The following HEBP1 variants were observed in gnomAD, a reference collection of about 807,000 sequenced individuals.
HEBP1 encodes heme-binding protein 1.
HEBP1 carries 13 observed loss-of-function variants against 20.4 expected under a neutral mutation model. The ratio of observed to expected loss-of-function variants is 0.64; its 90% confidence interval spans 0.42 to 1.01. The LOEUF is 1.01. HEBP1 is among the 50% of genes least tolerant of loss of function. HEBP1 has a pLI of 0.00. For missense variants in HEBP1, 241 were observed against 247.3 expected (o/e 0.97, Z 0.17); for synonymous variants, 92 against 90.7 (o/e 1.01, Z -0.08).
chr12:12,991,353 T>C (rs1864223476), intron 1 of HEBP1, among the ~76,000 whole-genome samples: 1 of 152,222 alleles, frequency 6.6e-6, no homozygotes, highest in South Asian at 2.1e-4. Context: ...CACACCGTGC[T>C]CCCAGACACA....
chr12:12,981,213 C>A (rs1864077741), intron 3 of HEBP1, among the ~76,000 whole-genome samples: 1 of 152,094 alleles, frequency 6.6e-6, no homozygotes, highest in Non-Finnish European at 1.5e-5. Context: ...GGGAGGGGAC[C>A]ATCACTAAGA....
chr12:12,987,438 G>T (rs1864166228), intron 2 of HEBP1, 106 bp from the exon 3 acceptor site: 3 of 842,916 alleles, frequency 3.6e-6, no homozygotes, highest in Non-Finnish European at 5.5e-6. Context: ...GTATGTTTTT[G>T]TTCTTGAAAT....
At chr12:12,997,912 TGG>T (rs1864311474) in intron 1 of HEBP1, among the ~76,000 whole-genome samples, 1 of 152,222 alleles carries the variant, frequency 6.6e-6, no homozygotes, top group African/African-American at 2.4e-5. Flanking sequence ...AACTACTTGA[TGG>T]GGAGGCCAGT....
chr12:12,975,520 A>G, intron 3 of HEBP1, 41 bp from the exon 4 acceptor site: 4 of 1,551,742 alleles, frequency 2.6e-6, no homozygotes, highest in Non-Finnish European at 3.5e-6. Flanking sequence ...AAAGGACATG[A>G]CCTCTGAGAG....
chr12:12,993,108 T>C (rs2136549650), intron 1 of HEBP1, among the ~76,000 whole-genome samples: 1 of 151,922 alleles, frequency 6.6e-6, no homozygotes, highest in South Asian at 2.1e-4. Flanking sequence ...CTGTCTTTCT[T>C]TTTTTCTTTC....
intron 3 of HEBP1, chr12:12,984,173 T>C (rs563377609): frequency 6.4e-6 from 1 of 155,632 alleles, no homozygotes; most frequent in East Asian, 1.9e-4. Flanking sequence ...CAAGTAAGCA[T>C]GTATCTGGCT....
intron 3 of HEBP1, among the ~76,000 whole-genome samples, chr12:12,976,832 T>C (rs759251274): frequency 6.6e-6 from 1 of 152,198 alleles, no homozygotes; most frequent in Non-Finnish European, 1.5e-5. Flanking sequence ...GAGAGGAAAC[T>C]GGGTTAGTAG....
intron 3 of HEBP1, among the ~76,000 whole-genome samples, chr12:12,978,199 G>GCTTTTTTTTTTTTTTTTTTT (rs1864021602): frequency 1.3e-5 from 1 of 75,056 alleles, no homozygotes; most frequent in African/African-American, 5.5e-5. Flanking sequence ...CTACGAAAGG[G>GCTTTTTTTTTTTTTTTTTTT]TTTTTTTTTT....
In HEBP1 at chr12:12,975,469, C is replaced by T. The variant is rs930521550; in HGVS notation, c.409G>A (p.Gly137Ser). ...ACGTAGTCTGCTTCCTTGGCATAACCACCAAACTGCCTGGGGGTTCAAGAG... is the reference window on the plus strand; with the variant it reads ...ACGTAGTCTGCTTCCTTGGCATAACTACCAAACTGCCTGGGGGTTCAAGAG... ...GITVYSMQFGGYAKEADYVAQ... is the reference protein window; with the variant it reads ...GITVYSMQFGSYAKEADYVAQ... The change falls in exon 4 of 4, where the codon GGT becomes AGT. Residue 137 changes from glycine to serine, a missense_variant. Transcript: ENST00000014930. 6 of 1,607,484 alleles carry T rather than the reference C, an allele frequency of 3.7e-6. No homozygotes were observed. In the African/African-American group the frequency reaches 5.4e-5, roughly 14 times the overall value.
chr12:12,985,018 G>C (rs1864134432), intron 3 of HEBP1, among the ~76,000 whole-genome samples: 1 of 151,676 alleles, frequency 6.6e-6, no homozygotes, highest in Admixed American at 6.6e-5. Context: ...CACAGTGGCA[G>C]GTTCCTGTAC....
intron 2 of HEBP1, among the ~76,000 whole-genome samples, chr12:12,987,590 T>TCTCTCTC (rs1592403807): frequency 3.0e-5 from 4 of 133,212 alleles, no homozygotes; most frequent in African/African-American, 5.8e-5. Flanking sequence ...ATCAGTCTCT[T>TCTCTCTC]TCTCTCTCTC....
At chr12:12,992,455 C>T (rs1398654129) in intron 1 of HEBP1, among the ~76,000 whole-genome samples, 2 of 149,160 alleles carry the variant, frequency 1.3e-5, no homozygotes, top group East Asian at 4.1e-4. Flanking sequence ...CTGCCCACCT[C>T]GGCCTCCCAA....
chr12:12,991,361 A>G (rs1327902269), intron 1 of HEBP1, among the ~76,000 whole-genome samples: 6 of 152,242 alleles, frequency 3.9e-5, no homozygotes, highest in South Asian at 2.1e-4. Flanking sequence ...GCTCCCAGAC[A>G]CAGCATATCC....
In HEBP1 at chr12:12,986,636, G is replaced by A. The variant is rs1368883512; in HGVS notation, c.398+516C>T. The A allele has an allele frequency of 6.6e-6, 1 of 152,494 alleles. No homozygotes were observed. The highest frequency in any genetic ancestry group is 6.5e-5 in the Admixed American group (1 of 15,296). The allele number at this position is 152,494 out of a possible 1,614,324, so 9.4% of individuals were successfully genotyped here. A position where few individuals can be genotyped will look rare whatever the true frequency, so the allele number is the denominator to read the frequency against. ...TCAAGGGAAAATGACCCCACATGAA[G>A]TCCTGGAAACAGGACCAGGATGACA... is the stretch of plus-strand genomic sequence containing the variant. On this transcript the variant is annotated intron_variant, in intron 3 of 3. Coordinates refer to ENST00000014930, the MANE Select transcript of HEBP1 (RefSeq NM_015987.5). The surrounding 1 kb of genome is among the most constrained non-coding windows in gnomAD (Gnocchi z 4.3).
chr12:12,975,999 G>A (rs1863977107), intron 3 of HEBP1, among the ~76,000 whole-genome samples: 1 of 143,612 alleles, frequency 7.0e-6, no homozygotes, highest in Non-Finnish European at 1.5e-5. Flanking sequence ...TAGTGACTGA[G>A]TTCATCACAG....
chr12:12,977,245 G>A (rs753833922), intron 3 of HEBP1, among the ~76,000 whole-genome samples: 14 of 152,244 alleles, frequency 9.2e-5, no homozygotes, highest in East Asian at 3.9e-4. Context: ...ATCAATCTTC[G>A]AAGGCTACTG....
chr12:12,984,347 A>T (rs1864126206), intron 3 of HEBP1: 1 of 152,628 alleles, frequency 6.6e-6, no homozygotes, highest in Non-Finnish European at 1.5e-5. Context: ...GGTCACCAAC[A>T]TCACTCAATC....
At chr12:12,994,911 T>C (rs1471763882) in intron 1 of HEBP1, among the ~76,000 whole-genome samples, 1 of 152,192 alleles carries the variant, frequency 6.6e-6, no homozygotes, top group Non-Finnish European at 1.5e-5. Context: ...TCTACACCAA[T>C]CTAACTGTGT....
rs191499892 is a variant in HEBP1, at chr12:12,978,370, T to G, written c.399-2891A>C. Among the ~76,000 whole-genome samples, 10 of 151,842 alleles carry G rather than the reference T, an allele frequency of 6.6e-5. No homozygotes were observed. The East Asian group carries it at 9.7e-4, about 15-fold the overall frequency. On this transcript the variant is annotated intron_variant, in intron 3 of 3. Transcript: ENST00000014930. Reference sequence around the variant, plus strand: ...GGACTACAGGCACACGCCCAGCTAATTTTTGTATTTTTAGTACAGATGGGG... The same window carrying G: ...GGACTACAGGCACACGCCCAGCTAAGTTTTGTATTTTTAGTACAGATGGGG...
Sources: gnomAD v4.1 joint callset for allele counts (sites outside exome capture counted in the v4.1 genomes callset) on GRCh38, gnomAD v4.1.1 for gene constraint, Gnocchi (gnomAD v3.1) non-coding constraint, MANE v1.5 for transcripts, NCBI Gene and HGNC (gene_info 2026-07-23, HGNC 2026-07-21) for gene names.